The following STRN variants were observed in gnomAD, a reference collection of about 807,000 sequenced individuals.
STRN encodes the protein striatin.
In STRN, 53 loss-of-function variants were observed where a neutral mutation model predicts 96.3. The observed-to-expected ratio is 0.55, with a 90% CI of 0.44 to 0.69. STRN has a LOEUF of 0.69. Among genes scored for constraint, STRN ranks in the 30% least tolerant of loss-of-function variants. The pLI, the probability that STRN is intolerant of heterozygous loss-of-function variation, is 0.00. For synonymous variants in STRN, 428 were observed against 355.9 expected (o/e 1.20, Z -2.28); for missense variants, 987 against 963.9 (o/e 1.02, Z -0.32).
chr2:36,889,109 C>T (rs929436847), intron 7 of STRN, among the ~76,000 whole-genome samples: 2 of 152,132 alleles, frequency 1.3e-5, no homozygotes, highest in Non-Finnish European at 2.9e-5. Flanking sequence ...ATACTATATC[C>T]TCTTAGTTGA....
chr2:36,896,971 C>T (rs1242245850), intron 6 of STRN, among the ~76,000 whole-genome samples: 1 of 152,018 alleles, frequency 6.6e-6, no homozygotes, highest in African/African-American at 2.4e-5. Flanking sequence ...AGTTCGAGAC[C>T]AGCCTGACCA....
intron 1 of STRN, among the ~76,000 whole-genome samples, chr2:36,942,753 T>C (rs1187864291): frequency 1.3e-5 from 2 of 152,126 alleles, no homozygotes; most frequent in African/African-American, 4.8e-5. Context: ...TGGAGTGCAG[T>C]GGCGTGATCT....
rs1667886613 is a variant in STRN at position 36,839,120 on chromosome 2, T to C, written c.*10336A>G. Among the ~76,000 whole-genome samples, 1 of 152,230 alleles carries C rather than the reference T, an allele frequency of 6.6e-6. No homozygotes were observed. The highest frequency in any genetic ancestry group is 2.4e-5 in the African/African-American group (1 of 41,468). On this transcript the variant is annotated 3_prime_UTR_variant, in exon 18 of 18. Coordinates refer to ENST00000263918, the MANE Select transcript of STRN (RefSeq NM_003162.4). ...TCAGGGAGGTAGGAATGAAGGGGTA[T>C]GATGGGACATGCTTCGTTTTGCCAT... is the stretch of plus-strand genomic sequence containing the variant.
intron 1 of STRN, among the ~76,000 whole-genome samples, chr2:36,942,001 TATAGAATCTGGAACGCCA>T (rs1199751126): frequency 6.6e-6 from 1 of 152,122 alleles, no homozygotes; most frequent in Non-Finnish European, 1.5e-5. Flanking sequence ...AGCTTCCCAC[TATAGAATCTGGAACGCCA>T]AGGGCCTGCT....
At position 36,838,204 on chromosome 2, in the gene STRN, C is replaced by G. The variant is rs775624168; in HGVS notation, c.*11252G>C. The stretch of plus-strand genomic sequence containing the variant: ...TGGAAGGGACCACGTGCAAGGACCA[C>G]GGAGCAACCTCTAAAGGATCAGATT... On this transcript the variant is annotated 3_prime_UTR_variant, in exon 18 of 18. Coordinates refer to ENST00000263918, the MANE Select transcript of STRN (RefSeq NM_003162.4). Among the ~76,000 whole-genome samples, 1 of 152,202 alleles carries G rather than the reference C, an allele frequency of 6.6e-6. No homozygotes were observed. The highest frequency in any genetic ancestry group is 1.9e-4 in the East Asian group (1 of 5,202).
At chr2:36,919,878 T>C (rs1226879643) in intron 2 of STRN, among the ~76,000 whole-genome samples, 2 of 152,314 alleles carry the variant, frequency 1.3e-5, no homozygotes, top group African/African-American at 4.8e-5. Context: ...TTATACACTA[T>C]GTAATCTTGA....
chr2:36,873,670 C>A (rs766689019), intron 10 of STRN, among the ~76,000 whole-genome samples: 4 of 152,004 alleles, frequency 2.6e-5, no homozygotes, highest in Non-Finnish European at 4.4e-5. Flanking sequence ...TTCGGCCAGG[C>A]GCGGTGGCTC....
At chr2:36,867,885 A>G in intron 11 of STRN, 24 bp from the exon 12 acceptor site, 2 of 1,568,708 alleles carry the variant, frequency 1.3e-6, no homozygotes, top group South Asian at 2.4e-5. Flanking sequence ...AGATGACTTT[A>G]CCATTCTAAG....
chr2:36,949,918 T>C (rs1664708426), intron 1 of STRN, among the ~76,000 whole-genome samples: 1 of 152,098 alleles, frequency 6.6e-6, no homozygotes, highest in African/African-American at 2.4e-5. Flanking sequence ...AGGACTTCAG[T>C]CAGAGTAACT....
intron 12 of STRN, among the ~76,000 whole-genome samples, chr2:36,861,910 T>A (rs967493568): frequency 6.6e-6 from 1 of 152,154 alleles, no homozygotes; most frequent in Non-Finnish European, 1.5e-5. Context: ...GTTTTTCCAA[T>A]CCTCACCCTC....
At chr2:36,876,100 C>G (rs1176468522) in intron 10 of STRN, among the ~76,000 whole-genome samples, 3 of 151,972 alleles carry the variant, frequency 2.0e-5, no homozygotes, top group Non-Finnish European at 4.4e-5. Flanking sequence ...GAAAGCCTGT[C>G]TCTACCAAAA....
chr2:36,957,302 A>G (rs1664911320), intron 1 of STRN, among the ~76,000 whole-genome samples: 1 of 152,204 alleles, frequency 6.6e-6, no homozygotes, highest in African/African-American at 2.4e-5. Context: ...CTTTAAAGTG[A>G]TTCCAGGCCT....
At chr2:36,940,836 CAAAAAAAA>C (rs56996485) in intron 1 of STRN, among the ~76,000 whole-genome samples, 20 of 46,556 alleles carry the variant, frequency 4.3e-4, no homozygotes, top group East Asian at 2.8e-3. Flanking sequence ...GACTCTGTCT[CAAAAAAAA>C]AAAAAAAAAA....
At chr2:36,914,961 C>T (rs921262070) in intron 3 of STRN, among the ~76,000 whole-genome samples, 1 of 151,726 alleles carries the variant, frequency 6.6e-6, no homozygotes, top group Non-Finnish European at 1.5e-5. Flanking sequence ...CTTTGGGAGG[C>T]CGAGGGGGGG....
At chr2:36,895,209 C>T (rs1301800949) in intron 6 of STRN, among the ~76,000 whole-genome samples, 1 of 151,968 alleles carries the variant, frequency 6.6e-6, no homozygotes, top group African/African-American at 2.4e-5. Context: ...CACCTGTAGT[C>T]CCAGCTACTC....
chr2:36,915,406 T>C (rs999985614), intron 3 of STRN, among the ~76,000 whole-genome samples: 1 of 151,380 alleles, frequency 6.6e-6, no homozygotes, highest in Non-Finnish European at 1.5e-5. Flanking sequence ...TGATAACTTT[T>C]GATTAATTTT....
intron 1 of STRN, among the ~76,000 whole-genome samples, chr2:36,933,649 G>A (rs752752192): frequency 6.6e-6 from 1 of 152,096 alleles, no homozygotes; most frequent in Non-Finnish European, 1.5e-5. Flanking sequence ...TTTGAGACAG[G>A]GTTGGAGTGC....
chr2:36,878,937 G>A (rs989065262), intron 9 of STRN, among the ~76,000 whole-genome samples: 11 of 151,730 alleles, frequency 7.2e-5, no homozygotes, highest in African/African-American at 2.7e-4. Flanking sequence ...ATTTTTAGTA[G>A]AGACGGGGTT....
intron 10 of STRN, among the ~76,000 whole-genome samples, chr2:36,873,481 G>A (rs540872495): frequency 6.6e-6 from 1 of 152,198 alleles, no homozygotes; most frequent in African/African-American, 2.4e-5. Flanking sequence ...GAGAGCCTGA[G>A]CCCAGAAGGC....
Sources: gnomAD v4.1 joint callset for allele counts (sites outside exome capture counted in the v4.1 genomes callset) on GRCh38, gnomAD v4.1.1 for gene constraint, MANE v1.5 for transcripts, NCBI Gene and HGNC (gene_info 2026-07-23, HGNC 2026-07-21) for gene names.